PLCXD3: variants seen among roughly 807,000 people sequenced by gnomAD.
The protein encoded by PLCXD3 is phosphatidylinositol specific phospholipase C X domain containing 3.
A neutral mutation model predicts 25.5 loss-of-function variants in PLCXD3; 19 were observed. The ratio of observed to expected loss-of-function variants is 0.75; its 90% CI spans 0.52 to 1.09. The LOEUF is 1.09. Among genes scored for constraint, PLCXD3 ranks in the 50% least tolerant of loss-of-function variants. The pLI, the probability that PLCXD3 is intolerant of heterozygous loss-of-function variation, is 0.00. For synonymous variants in PLCXD3, 174 were observed against 137.6 expected, an observed-to-expected ratio of 1.26 and a Z score of -1.85; for missense variants, 411 against 388.1, an observed-to-expected ratio of 1.06 and a Z score of -0.50.
chr5:41,425,507 T>C (rs577760269), intron 1 of PLCXD3, among the ~76,000 whole-genome samples: 1 of 152,322 alleles, frequency 6.6e-6, no homozygotes, highest in Non-Finnish European at 1.5e-5. Flanking sequence ...ATAGTTCACA[T>C]TAGCATTTTC....
Position 41,383,167 on chromosome 5 carries a change from A to G in PLCXD3, c.104-633T>C, listed in dbSNP as rs554409819. Among the ~76,000 whole-genome samples the G allele has an allele frequency of 3.3e-5, 5 of 152,264 alleles. No individual in the cohort carries two copies. The South Asian group carries it at 8.3e-4, about 25-fold the overall frequency. On this transcript the variant is annotated intron_variant, in intron 1 of 2. Transcript: ENST00000377801. Reference sequence around the variant, plus strand: ...AGATGAGGTCAAGTACTTTTCACATATTGAATAAATGATGAACTGTTCTTG... The same window carrying G: ...AGATGAGGTCAAGTACTTTTCACATGTTGAATAAATGATGAACTGTTCTTG...
intron 1 of PLCXD3, among the ~76,000 whole-genome samples, chr5:41,493,412 C>G (rs1315498354): frequency 2.0e-5 from 3 of 152,210 alleles, no homozygotes; most frequent in Admixed American, 6.5e-5. Context: ...GGCAGTCTGC[C>G]CGTTCTCAGA....
intron 1 of PLCXD3, among the ~76,000 whole-genome samples, chr5:41,431,444 G>C (rs1259532977): frequency 6.6e-6 from 1 of 152,120 alleles, no homozygotes; most frequent in Non-Finnish European, 1.5e-5. Context: ...TTAGGTTACA[G>C]ATTTATTCAT....
At chr5:41,322,611 T>C (rs921513131) in intron 2 of PLCXD3, among the ~76,000 whole-genome samples, 1 of 152,222 alleles carries the variant, frequency 6.6e-6, no homozygotes, top group African/African-American at 2.4e-5. Flanking sequence ...TGCACTCCTA[T>C]GTTTGTTGCA....
intron 2 of PLCXD3, among the ~76,000 whole-genome samples, chr5:41,357,015 T>G (rs1319355128): frequency 1.3e-5 from 2 of 152,218 alleles, no homozygotes; most frequent in Non-Finnish European, 2.9e-5. Context: ...ATGAACCATA[T>G]TCAGTTTTAT....
intron 1 of PLCXD3, among the ~76,000 whole-genome samples, chr5:41,480,502 C>T: frequency 6.7e-6 from 1 of 149,608 alleles, no homozygotes; most frequent in East Asian, 2.0e-4. Context: ...AAACACAATT[C>T]AGGGTTTAAG....
At chr5:41,492,257 TTGGCCCCCACTCTCTTC>T (rs1325169207) in intron 1 of PLCXD3, among the ~76,000 whole-genome samples, 51 of 152,350 alleles carry the variant, frequency 3.3e-4, no homozygotes, top group African/African-American at 1.1e-3. Flanking sequence ...ATGTTGAATA[TTGGCCCCCACTCTCTTC>T]TGGCTTGTAG....
intron 1 of PLCXD3, among the ~76,000 whole-genome samples, chr5:41,495,189 T>C (rs1476372926): frequency 2.6e-5 from 4 of 152,208 alleles, no homozygotes; most frequent in Non-Finnish European, 5.9e-5. Context: ...AGATTCTCCG[T>C]AGGGAGAGAA....
intron 2 of PLCXD3, among the ~76,000 whole-genome samples, chr5:41,370,726 C>A (rs1745070157): frequency 1.3e-5 from 2 of 152,032 alleles, no homozygotes; most frequent in African/African-American, 4.8e-5. Context: ...CTCAGGGGCA[C>A]CCATGCAAAC....
At chr5:41,360,774 G>A (rs1744748781) in intron 2 of PLCXD3, among the ~76,000 whole-genome samples, 1 of 152,228 alleles carries the variant, frequency 6.6e-6, no homozygotes, top group Non-Finnish European at 1.5e-5. Flanking sequence ...GGGGAGTGAA[G>A]TGGACTCTGT....
chr5:41,441,560 G>A (rs1251664192), intron 1 of PLCXD3, among the ~76,000 whole-genome samples: 1 of 152,130 alleles, frequency 6.6e-6, no homozygotes, highest in Non-Finnish European at 1.5e-5. Flanking sequence ...GTGCATCCAA[G>A]AGACTGCTCC....
In PLCXD3 at chr5:41,506,486, G is replaced by T. The variant is rs531421554; in HGVS notation, c.103+3938C>A. ...TGTATCACTATCCACTAATAAATGG[G>T]GTAGGAGGTGAGAACTGCTCTTGTT... On this transcript the variant is annotated intron_variant, in intron 1 of 2. Coordinates refer to ENST00000377801, the MANE Select transcript of PLCXD3 (RefSeq NM_001005473.3). Among the ~76,000 whole-genome samples, 8 of 152,226 alleles carry T rather than the reference G, an allele frequency of 5.3e-5. No individual in the cohort carries two copies. In the South Asian group the frequency reaches 1.7e-3, roughly 32 times the overall value.
chr5:41,466,684 C>G (rs1748024119), intron 1 of PLCXD3, among the ~76,000 whole-genome samples: 1 of 151,938 alleles, frequency 6.6e-6, no homozygotes, highest in African/African-American at 2.4e-5. Context: ...TCAACAACTC[C>G]CATTCCCTCA....
rs1048715771 is a variant in PLCXD3 at position 41,310,799 on chromosome 5, G to A, written c.*2818C>T. On this transcript the variant is annotated 3_prime_UTR_variant, in exon 3 of 3. Transcript: ENST00000377801. ...ATTAAGGCAAGTCCATTTACTCTAA[G>A]TGCCTGCTACATAGGCACTGTATGT... The A allele has an allele frequency of 3.9e-5, 6 of 152,516 alleles. No individual in the cohort carries two copies. Among genetic ancestry groups the A allele is most frequent in the Non-Finnish European group, 7.4e-5 (5 of 68,022 alleles). The allele number at this position is 152,516 out of a possible 1,614,324, so 9.4% of individuals were successfully genotyped here.
At chr5:41,368,883 G>T (rs866528357) in intron 2 of PLCXD3, among the ~76,000 whole-genome samples, 1 of 152,164 alleles carries the variant, frequency 6.6e-6, no homozygotes, top group East Asian at 1.9e-4. Flanking sequence ...GAAAATGGTG[G>T]ACCATTGAAA....
At chr5:41,459,598 T>A (rs1278243113) in intron 1 of PLCXD3, among the ~76,000 whole-genome samples, 1 of 151,776 alleles carries the variant, frequency 6.6e-6, no homozygotes, top group African/African-American at 2.4e-5. Flanking sequence ...ACACACAGAA[T>A]ATTAATAAAA....
chr5:41,380,111 A>G (rs1410293151), intron 2 of PLCXD3, among the ~76,000 whole-genome samples: 1 of 151,818 alleles, frequency 6.6e-6, no homozygotes, highest in Admixed American at 6.6e-5. Context: ...CTATATTTGT[A>G]ATGATCAATT....
intron 2 of PLCXD3, among the ~76,000 whole-genome samples, chr5:41,352,814 C>G (rs1308544390): frequency 1.3e-5 from 2 of 152,032 alleles, no homozygotes; most frequent in Non-Finnish European, 2.9e-5. Flanking sequence ...AGGTAATTTT[C>G]TAGGAGAGTT....
chr5:41,353,268 ATT>A (rs11366152), intron 2 of PLCXD3, among the ~76,000 whole-genome samples: 16 of 140,116 alleles, frequency 1.1e-4, no homozygotes, highest in African/African-American at 3.9e-4. Flanking sequence ...AATTTTCTGT[ATT>A]TTTTTTTTTT....
Sources: gnomAD v4.1 joint callset for allele counts (sites outside exome capture counted in the v4.1 genomes callset) on GRCh38, gnomAD v4.1.1 for gene constraint, MANE v1.5 for transcripts, NCBI Gene and HGNC (gene_info 2026-07-23, HGNC 2026-07-21) for gene names.